Variants in C12orf42 observed in about 807,000 individuals in gnomAD.
C12orf42 encodes chromosome 12 open reading frame 42, also known as uncharacterized protein C12orf42.
A neutral mutation model predicts 21.6 loss-of-function variants in C12orf42; 25 were observed. The observed-to-expected ratio is 1.16, with a 90% CI of 0.84 to 1.62. The LOEUF is 1.62. Among genes scored for constraint, C12orf42 ranks in the 40% most tolerant of loss-of-function variants. The probability of loss-of-function intolerance (pLI) is 0.00; values close to 1 mark genes in which losing one functional copy is unlikely to be tolerated. For synonymous variants in C12orf42, 174 were observed against 175.0 expected (o/e 0.99, Z 0.05); for missense variants, 483 against 459.3 (o/e 1.05, Z -0.47).
At chr12:103,497,889 G>T (rs1955608137), upstream of C12orf42, among the ~76,000 whole-genome samples, 1 of 152,104 alleles carries the variant, frequency 6.6e-6, no homozygotes. Flanking sequence ...AAAAAAATTA[G>T]CCGGGTGTGG....
At chr12:103,526,098 C>A in the C12orf42 span, among the ~76,000 whole-genome samples, 1 of 152,188 alleles carries the variant, frequency 6.6e-6, no homozygotes, top group African/African-American at 2.4e-5. Context: ...TTGCAAGAAA[C>A]CAATCACCCA....
chr12:103,376,903 C>G (rs2045749424), intron 3 of C12orf42, among the ~76,000 whole-genome samples: 5 of 152,078 alleles, frequency 3.3e-5, no homozygotes, highest in African/African-American at 1.2e-4. Flanking sequence ...CTCTCTCACT[C>G]TCTCGCTCTC....
At chr12:103,422,132 G>T (rs1321708778) in intron 2 of C12orf42, among the ~76,000 whole-genome samples, 1 of 152,004 alleles carries the variant, frequency 6.6e-6, no homozygotes, top group African/African-American at 2.4e-5. Flanking sequence ...CCCTATTTTT[G>T]AACAATCCCT....
chr12:103,432,174 C>G (rs1950314706), intron 2 of C12orf42, among the ~76,000 whole-genome samples: 1 of 152,122 alleles, frequency 6.6e-6, no homozygotes, highest in Admixed American at 6.5e-5. Context: ...TCAAGTGTTC[C>G]TATAAGGTCA....
chr12:103,099,866 T>A, the C12orf42 span, among the ~76,000 whole-genome samples: 2 of 152,166 alleles, frequency 1.3e-5, no homozygotes, highest in Non-Finnish European at 2.9e-5. Context: ...ATATACCAAG[T>A]TTTTTGTGAA....
chr12:103,541,105 T>C, the C12orf42 span, among the ~76,000 whole-genome samples: 1 of 152,146 alleles, frequency 6.6e-6, no homozygotes, highest in African/African-American at 2.4e-5. Context: ...AGTTTCACCA[T>C]GTTGCCCAGG....
downstream of C12orf42, among the ~76,000 whole-genome samples, chr12:103,266,386 A>G (rs1228832704): frequency 1.3e-5 from 2 of 152,126 alleles, no homozygotes; most frequent in Non-Finnish European, 2.9e-5. Context: ...AATGTGTATA[A>G]ACTCTGTTAT....
At chr12:103,057,087 A>G in the C12orf42 span, among the ~76,000 whole-genome samples, 2 of 151,874 alleles carry the variant, frequency 1.3e-5, no homozygotes, top group Non-Finnish European at 1.5e-5. Context: ...TATTTCATGC[A>G]TTGTGTTCTG....
downstream of C12orf42, among the ~76,000 whole-genome samples, chr12:103,234,647 T>C (rs545003334): frequency 2.8e-3 from 421 of 152,254 alleles, 8 homozygotes; most frequent in Non-Finnish European, 5.6e-4. Flanking sequence ...ATTGGACCAC[T>C]TAACTTGCTT....
intron 2 of C12orf42, among the ~76,000 whole-genome samples, chr12:103,416,034 GTTT>G (rs3065787): frequency 1.2e-4 from 18 of 146,942 alleles, no homozygotes; most frequent in Non-Finnish European, 2.5e-4. Context: ...TGTTTAGTGG[GTTT>G]TTTTTTTTAT....
chr12:103,511,258 A>G, the C12orf42 span, among the ~76,000 whole-genome samples: 1 of 152,100 alleles, frequency 6.6e-6, no homozygotes, highest in Non-Finnish European at 1.5e-5. Flanking sequence ...TAGTCTTATG[A>G]TTTTATATTG....
the C12orf42 span, among the ~76,000 whole-genome samples, chr12:103,526,964 G>A: frequency 1.3e-5 from 2 of 152,292 alleles, no homozygotes; most frequent in East Asian, 3.9e-4. Context: ...TTTCTTCATT[G>A]CAACAGGCTG....
the C12orf42 span, among the ~76,000 whole-genome samples, chr12:103,051,350 A>C: frequency 6.6e-6 from 1 of 152,106 alleles, no homozygotes; most frequent in Non-Finnish European, 1.5e-5. Flanking sequence ...GAGAGTATAT[A>C]AGCCTTAAGA....
intron 5 of C12orf42, 91 bp from the exon 6 acceptor site, chr12:103,302,650 T>A (rs2037828033): frequency 2.0e-6 from 2 of 1,016,970 alleles, no homozygotes. Flanking sequence ...GTCTGAGAAA[T>A]CAACATTTGT....
chr12:103,422,694 A>G (rs982926657), intron 2 of C12orf42, among the ~76,000 whole-genome samples: 2 of 152,186 alleles, frequency 1.3e-5, no homozygotes, highest in Non-Finnish European at 2.9e-5. Context: ...ATAAAACGGA[A>G]TATTTTAGAC....
At chr12:103,326,435 T>A (rs2040713609) in intron 4 of C12orf42, among the ~76,000 whole-genome samples, 2 of 152,220 alleles carry the variant, frequency 1.3e-5, no homozygotes, top group Non-Finnish European at 2.9e-5. Context: ...GCTCAAGGCC[T>A]TCCAATGGCT....
intron 4 of C12orf42, among the ~76,000 whole-genome samples, chr12:103,286,526 C>G (rs1163176274): frequency 6.6e-6 from 1 of 151,302 alleles, no homozygotes; most frequent in Admixed American, 6.6e-5. Flanking sequence ...TATGTATCAA[C>G]TGCTTAGCAG....
chr12:103,549,265 C>G, the C12orf42 span, among the ~76,000 whole-genome samples: 1 of 152,044 alleles, frequency 6.6e-6, no homozygotes, highest in Non-Finnish European at 1.5e-5. Flanking sequence ...TTTTTCTCAA[C>G]TTTTTATTTT....
At chr12:103,086,805 T>C in the C12orf42 span, among the ~76,000 whole-genome samples, 1 of 152,098 alleles carries the variant, frequency 6.6e-6, no homozygotes, top group Non-Finnish European at 1.5e-5. Flanking sequence ...TCTAAGCCTT[T>C]TATTTTGCTC....
Sources: gnomAD v4.1 joint callset for allele counts (sites outside exome capture counted in the v4.1 genomes callset) on GRCh38, gnomAD v4.1.1 for gene constraint, MANE v1.5 for transcripts, NCBI Gene and HGNC (gene_info 2026-07-23, HGNC 2026-07-21) for gene names.